Variants in AEBP2 observed in about 807,000 individuals in gnomAD.
AEBP2 encodes AE binding protein 2.
AEBP2 carries 10 observed loss-of-function variants against 50.8 expected under a neutral mutation model. The ratio of observed to expected loss-of-function variants is 0.20; its 90% CI spans 0.12 to 0.33. The LOEUF (loss-of-function observed/expected upper bound fraction) is 0.33. AEBP2 is among the 10% of genes least tolerant of loss of function. The probability of loss-of-function intolerance (pLI) is 1.00; values close to 1 mark genes in which losing one functional copy is unlikely to be tolerated. For missense variants in AEBP2, 570 were observed against 688.0 expected, an observed-to-expected ratio of 0.83 and a Z score of 1.92; for synonymous variants, 296 against 261.3, an observed-to-expected ratio of 1.13 and a Z score of -1.28.
intron 1 of AEBP2, among the ~76,000 whole-genome samples, chr12:19,459,777 GTAGA>G (rs1948339744): frequency 6.6e-6 from 1 of 152,142 alleles, no homozygotes; most frequent in African/African-American, 2.4e-5. Flanking sequence ...AACTAGGTAG[GTAGA>G]TAGATGAGCT....
chr12:19,443,640 T>C (rs1289586184), intron 1 of AEBP2, among the ~76,000 whole-genome samples: 1 of 151,982 alleles, frequency 6.6e-6, no homozygotes, highest in Non-Finnish European at 1.5e-5. Context: ...GGAGAATGGC[T>C]TGAATCTGGG....
intron 5 of AEBP2, among the ~76,000 whole-genome samples, chr12:19,511,536 A>C (rs1170966773): frequency 6.6e-6 from 1 of 152,182 alleles, no homozygotes; most frequent in Non-Finnish European, 1.5e-5. Context: ...TTGTCAGGAA[A>C]GTGATGCTAC....
At chr12:19,494,458 C>A (rs569623245) in intron 4 of AEBP2, among the ~76,000 whole-genome samples, 1 of 151,292 alleles carries the variant, frequency 6.6e-6, no homozygotes, top group East Asian at 1.9e-4. Flanking sequence ...ACAAAAAAAA[C>A]CACCACAAAG....
At chr12:19,463,777 TGCCTCA>T (rs1262059237) in intron 2 of AEBP2, among the ~76,000 whole-genome samples, 1 of 147,632 alleles carries the variant, frequency 6.8e-6, no homozygotes, top group Non-Finnish European at 1.5e-5. Context: ...GTGATTCTCC[TGCCTCA>T]GCCTCCCGAG....
At chr12:19,483,908 G>A (rs147176784) in intron 3 of AEBP2, among the ~76,000 whole-genome samples, 29 of 150,482 alleles carry the variant, frequency 1.9e-4, no homozygotes, top group Middle Eastern at 3.4e-3. Flanking sequence ...TGTAAACATT[G>A]CTAATTTTGA....
At chr12:19,444,558 C>T (rs963964023) in intron 1 of AEBP2, among the ~76,000 whole-genome samples, 2 of 152,188 alleles carry the variant, frequency 1.3e-5, no homozygotes, top group African/African-American at 2.4e-5. Context: ...CCAGACCTGG[C>T]GCAAATCTTA....
At chr12:19,507,148 A>G (rs1295180857) in intron 5 of AEBP2, among the ~76,000 whole-genome samples, 1 of 152,202 alleles carries the variant, frequency 6.6e-6, no homozygotes, top group Non-Finnish European at 1.5e-5. Context: ...TACCTAGGAA[A>G]TAAGTGTAAA....
intron 5 of AEBP2, among the ~76,000 whole-genome samples, chr12:19,501,500 A>G (rs1949074037): frequency 6.6e-6 from 1 of 151,772 alleles, no homozygotes; most frequent in Non-Finnish European, 1.5e-5. Flanking sequence ...AGCCAGGCAT[A>G]GTGGTGTGCA....
chr12:19,421,321 G>A (rs1485269439), intron 1 of AEBP2, among the ~76,000 whole-genome samples: 1 of 147,278 alleles, frequency 6.8e-6, no homozygotes, highest in African/African-American at 2.5e-5. Context: ...TCCCCGCCTG[G>A]GTGACAGAGC....
At chr12:19,440,562 T>A in intron 1 of AEBP2, 192 bp downstream of exon 1, 1 of 1,399,852 alleles carries the variant, frequency 7.1e-7, no homozygotes, top group South Asian at 1.6e-5. Context: ...GGCTTCCAAC[T>A]CTCAAACCGT....
At chr12:19,470,150 GAT>G (rs1948548023) in intron 2 of AEBP2, among the ~76,000 whole-genome samples, 2 of 150,402 alleles carry the variant, frequency 1.3e-5, no homozygotes, top group South Asian at 4.2e-4. Flanking sequence ...TATTTTTGTG[GAT>G]CTTTCTTTTT....
upstream of AEBP2, among the ~76,000 whole-genome samples, chr12:19,436,328 T>C (rs1248484016): frequency 6.6e-6 from 1 of 152,152 alleles, no homozygotes; most frequent in Non-Finnish European, 1.5e-5. Context: ...GGAAAACTCA[T>C]GAATAATCTA....
intron 1 of AEBP2, among the ~76,000 whole-genome samples, chr12:19,452,920 T>G (rs1948188886): frequency 6.6e-6 from 1 of 152,076 alleles, no homozygotes; most frequent in Non-Finnish European, 1.5e-5. Flanking sequence ...TTTACCTAGT[T>G]TGATAAATAG....
chr12:19,516,699 C>G (rs17346872), intron 7 of AEBP2, among the ~76,000 whole-genome samples: 3,266 of 152,140 alleles, frequency 0.021, 41 homozygotes, highest in East Asian at 0.042. Context: ...ATATTAGGTG[C>G]TTCTGTAGAT....
At chr12:19,440,571 G>C in intron 1 of AEBP2, 1 of 1,407,448 alleles carries the variant, frequency 7.1e-7, no homozygotes, top group South Asian at 1.5e-5. Flanking sequence ...CTCTCAAACC[G>C]TTCCCCCCCA....
Position 19,483,677 on chromosome 12 carries a change from G to T in AEBP2, c.988-10123G>T, listed in dbSNP as rs1948764003. On this transcript the variant is annotated intron_variant, in intron 3 of 7. Transcript: ENST00000266508. ...TTTATGCTGGGATCTTTTCATATCAGTTCATAGTGAATAGTCTCATTTTTT... is the reference window on the plus strand; with the variant it reads ...TTTATGCTGGGATCTTTTCATATCATTTCATAGTGAATAGTCTCATTTTTT... Among the ~76,000 whole-genome samples the T allele has an allele frequency of 2.0e-5, 3 of 152,058 alleles. No individual in the cohort carries two copies. In the South Asian group the frequency reaches 6.2e-4, roughly 32 times the overall value.
At chr12:19,473,227 T>C (rs1406833942) in intron 2 of AEBP2, 21 bp from the exon 3 acceptor site, 3 of 1,225,492 alleles carry the variant, frequency 2.4e-6, no homozygotes, top group Non-Finnish European at 3.3e-6. Context: ...AAAATTAATA[T>C]GGTTCTGTTT....
chr12:19,404,894 A>T (rs116369511), intron 1 of AEBP2, among the ~76,000 whole-genome samples: 115 of 149,718 alleles, frequency 7.7e-4, no homozygotes, highest in African/African-American at 2.7e-3. Context: ...TCTATAGGGA[A>T]CCAAACATCT....
rs377089189 is a variant in AEBP2 at position 19,465,347 on chromosome 12, T to C, written c.879+2630T>C. On this transcript the variant is annotated intron_variant, in intron 2 of 7. Transcript: ENST00000266508. ...AGGCGGAGGTTGCAGTGAGCTGAGATCACGCCACTGCACTCCAGCCTGGGT... is the reference window on the plus strand; with the variant it reads ...AGGCGGAGGTTGCAGTGAGCTGAGACCACGCCACTGCACTCCAGCCTGGGT... 1.2e-4 allele frequency among the ~76,000 whole-genome samples: 18 copies of C among 151,910 alleles called. No homozygotes were observed. The East Asian group carries it at 3.5e-3, about 29-fold the overall frequency.
Sources: allele counts gnomAD v4.1 joint callset (sites outside exome capture counted in the v4.1 genomes callset), GRCh38; gene constraint gnomAD v4.1.1; transcripts MANE v1.5; gene names NCBI Gene and HGNC (gene_info 2026-07-23, HGNC 2026-07-21).